Variants in CYB5A observed in about 807,000 individuals in gnomAD.
CYB5A encodes cytochrome b5 type A.
A neutral mutation model predicts 16.2 loss-of-function variants in CYB5A; 10 were observed. The observed-to-expected ratio is 0.62, with a 90% CI of 0.38 to 1.04. The LOEUF (loss-of-function observed/expected upper bound fraction) is 1.04, where lower values mean the gene tolerates loss of function less well. Ranked by LOEUF, CYB5A falls within the 50% of genes least tolerant of loss-of-function variation. CYB5A has a pLI of 0.01. For missense variants in CYB5A, 161 were observed against 165.9 expected, an observed-to-expected ratio of 0.97 and a Z score of 0.16; for synonymous variants, 62 against 57.0, an observed-to-expected ratio of 1.09 and a Z score of -0.40.
At chr18:74,273,391 ACTTGGTAAATTATT>A (rs1266429422) in intron 1 of CYB5A, among the ~76,000 whole-genome samples, 1 of 152,232 alleles carries the variant, frequency 6.6e-6, no homozygotes, top group Non-Finnish European at 1.5e-5. Flanking sequence ...GTTCTTACAA[ACTTGGTAAATTATT>A]CTTCACTGGG....
At chr18:74,264,276 A>AG (rs1395570580) in intron 1 of CYB5A, among the ~76,000 whole-genome samples, 1 of 151,516 alleles carries the variant, frequency 6.6e-6, no homozygotes, top group East Asian at 1.9e-4. Context: ...TTGCTTCCCC[A>AG]TGTCACTCAT....
chr18:74,288,626 C>T (rs1024908069), intron 1 of CYB5A, among the ~76,000 whole-genome samples: 4 of 152,196 alleles, frequency 2.6e-5, no homozygotes, highest in African/African-American at 9.7e-5. Context: ...GACAAACAGA[C>T]TAGCCTCATA....
intron 1 of CYB5A, among the ~76,000 whole-genome samples, chr18:74,281,114 A>G (rs1983083621): frequency 6.6e-6 from 1 of 152,142 alleles, no homozygotes; most frequent in South Asian, 2.1e-4. Context: ...GTCCTGGTGG[A>G]CTGGATGTGG....
chr18:74,253,809 C>T, intron 4 of CYB5A, 144 bp from the exon 5 acceptor site: 1 of 660,484 alleles, frequency 1.5e-6, no homozygotes, highest in South Asian at 1.5e-5. Context: ...CGTGGATTTG[C>T]TAAAAGTGAC....
chr18:74,274,762 G>A (rs1227396313), intron 1 of CYB5A, among the ~76,000 whole-genome samples: 5 of 152,196 alleles, frequency 3.3e-5, no homozygotes, highest in African/African-American at 1.2e-4. Context: ...TCTTAAGCTT[G>A]ATACAGAATA....
chr18:74,256,567 T>TGA (rs1981990481), intron 3 of CYB5A: 3 of 507,450 alleles, frequency 5.9e-6, no homozygotes, highest in Non-Finnish European at 1.0e-5. Flanking sequence ...AATATCAACT[T>TGA]TTTGGGGCTT....
Position 74,291,948 on chromosome 18 carries a change from T to C in CYB5A, c.-73A>G, listed in dbSNP as rs1221246175. The C allele has an allele frequency of 1.3e-6, 2 of 1,599,536 alleles. No individual in the cohort carries two copies. Among genetic ancestry groups the C allele is most frequent in the Non-Finnish European group, 1.7e-6 (2 of 1,178,530 alleles). On this transcript the variant is annotated 5_prime_UTR_variant, in exon 1 of 5. Coordinates refer to ENST00000340533, the MANE Select transcript of CYB5A (RefSeq NM_148923.4). Reference sequence around the variant, plus strand: ...GAGCAGAGCGCGCGACTCAGCCAGCTCCACCCGGGACATTCCCCGCGCCGG... The same window carrying C: ...GAGCAGAGCGCGCGACTCAGCCAGCCCCACCCGGGACATTCCCCGCGCCGG...
At chr18:74,285,036 C>T (rs1983266271) in intron 1 of CYB5A, among the ~76,000 whole-genome samples, 1 of 152,122 alleles carries the variant, frequency 6.6e-6, no homozygotes, top group Non-Finnish European at 1.5e-5. Flanking sequence ...AGACTATGTT[C>T]CCAAGAAAAC....
At position 74,252,655 on chromosome 18, in the gene CYB5A, T is replaced by C. The variant is rs1162900908; in HGVS notation, c.*929A>G. 4 of 152,216 alleles carry C rather than the reference T, an allele frequency of 2.6e-5. No individual in the cohort carries two copies. Among genetic ancestry groups the C allele is most frequent in the African/African-American group, 7.2e-5 (3 of 41,454 alleles). 9.4% of individuals were successfully genotyped at this position (152,216 alleles called of 1,614,324 possible). On this transcript the variant is annotated 3_prime_UTR_variant, in exon 5 of 5. Coordinates refer to ENST00000340533, the MANE Select transcript of CYB5A (RefSeq NM_148923.4). ...GGTTCATGTGTTTTTAAGTTGCTGA[T>C]GTTTTTCAATCAGTGAAGATAAGAA... is the stretch of plus-strand genomic sequence containing the variant.
In CYB5A at chr18:74,279,802, A is replaced by G. The variant is rs948284545; in HGVS notation, c.129+11945T>C. On this transcript the variant is annotated intron_variant, in intron 1 of 4. Coordinates refer to ENST00000340533, the MANE Select transcript of CYB5A (RefSeq NM_148923.4). ...TGTCACCCAGCAGCCATTCCACATC[A>G]GCTTTCTAGTATTTTATATTTATAA... Among the ~76,000 whole-genome samples, 8 of 152,366 alleles carry G rather than the reference A, an allele frequency of 5.3e-5. No individual in the cohort carries two copies. The South Asian group carries it at 1.7e-3, about 32-fold the overall frequency.
intron 1 of CYB5A, among the ~76,000 whole-genome samples, chr18:74,273,478 A>G (rs2145064518): frequency 6.6e-6 from 1 of 152,354 alleles, no homozygotes; most frequent in South Asian, 2.1e-4. Context: ...TAACACAGAA[A>G]CAAGCTTTTC....
At chr18:74,283,958 C>A (rs185324780) in intron 1 of CYB5A, among the ~76,000 whole-genome samples, 29 of 152,230 alleles carry the variant, frequency 1.9e-4, no homozygotes, top group Admixed American at 1.2e-3. Flanking sequence ...ACAGGCCGGG[C>A]GCAGTGGCTC....
At chr18:74,270,294 C>T (rs896455059) in intron 1 of CYB5A, among the ~76,000 whole-genome samples, 3 of 152,112 alleles carry the variant, frequency 2.0e-5, no homozygotes, top group African/African-American at 7.2e-5. Flanking sequence ...GTGGCTGACG[C>T]CTGTAATCCC....
intron 3 of CYB5A, chr18:74,256,603 T>C: frequency 1.8e-6 from 1 of 548,830 alleles, no homozygotes; most frequent in Non-Finnish European, 3.2e-6. Flanking sequence ...AGCATTCTTT[T>C]GATGTTCCAC....
intron 3 of CYB5A, chr18:74,256,995 G>A: frequency 7.7e-6 from 5 of 651,538 alleles, no homozygotes; most frequent in African/African-American, 1.8e-5. Flanking sequence ...GTGTATATAT[G>A]AATAAAATTA....
At chr18:74,263,209 C>CA in intron 2 of CYB5A, 140 bp downstream of exon 2, 3 of 871,486 alleles carry the variant, frequency 3.4e-6, no homozygotes, top group Non-Finnish European at 5.2e-6. Context: ...TTATTTATAA[C>CA]AAAAAATGGT....
At chr18:74,266,426 A>G (rs1321243967) in intron 1 of CYB5A, among the ~76,000 whole-genome samples, 1 of 152,196 alleles carries the variant, frequency 6.6e-6, no homozygotes. Context: ...CCCAGAGTCA[A>G]TCATTATTTG....
At chr18:74,258,113 G>A (rs1010903807) in intron 3 of CYB5A, 1 of 152,088 alleles carries the variant, frequency 6.6e-6, no homozygotes, top group Admixed American at 6.5e-5. Flanking sequence ...TACTGACAGA[G>A]TGATGTCTAA....
intron 1 of CYB5A, among the ~76,000 whole-genome samples, chr18:74,274,992 A>G (rs565165532): frequency 1.3e-5 from 2 of 152,236 alleles, no homozygotes; most frequent in South Asian, 4.1e-4. Flanking sequence ...CCTTGCATAT[A>G]TTGCTGCTGG....
Sources: allele counts gnomAD v4.1 joint callset (sites outside exome capture counted in the v4.1 genomes callset), GRCh38; gene constraint gnomAD v4.1.1; transcripts MANE v1.5; gene names NCBI Gene and HGNC (gene_info 2026-07-23, HGNC 2026-07-21).